ENAH: variants seen among roughly 807,000 people sequenced by gnomAD.
ENAH encodes ENAH actin regulator.
In ENAH, 23 loss-of-function variants were observed where a neutral mutation model predicts 78.7. The observed-to-expected ratio is 0.29, with a 90% confidence interval of 0.21 to 0.41. The LOEUF (loss-of-function observed/expected upper bound fraction) is 0.41, where lower values mean the gene tolerates loss of function less well. Among genes scored for constraint, ENAH ranks in the 10% least tolerant of loss-of-function variants. ENAH has a pLI of 1.00. For synonymous variants in ENAH, 226 were observed against 241.0 expected, an observed-to-expected ratio of 0.94 and a Z score of 0.58; for missense variants, 544 against 691.0, an observed-to-expected ratio of 0.79 and a Z score of 2.39.
chr1:225,499,487 C>T (rs535283056), intron 12 of ENAH, among the ~76,000 whole-genome samples: 3 of 152,246 alleles, frequency 2.0e-5, no homozygotes, highest in African/African-American at 7.2e-5. Context: ...GCCTGGCCAA[C>T]ATGGTGAAAC....
chr1:225,553,534 A>G (rs1021827142), intron 3 of ENAH, among the ~76,000 whole-genome samples: 4 of 152,020 alleles, frequency 2.6e-5, no homozygotes, highest in African/African-American at 9.7e-5. Context: ...TGGTACCTTA[A>G]TTATTTATCA....
At chr1:225,607,712 T>C (rs1227051298) in intron 1 of ENAH, among the ~76,000 whole-genome samples, 1 of 152,116 alleles carries the variant, frequency 6.6e-6, no homozygotes, top group Non-Finnish European at 1.5e-5. Flanking sequence ...TACTGAATGA[T>C]AACTTACCAC....
intron 1 of ENAH, among the ~76,000 whole-genome samples, chr1:225,608,220 G>GAAAAAAAAAAAAAAAAAAGA (rs2096967032): frequency 1.1e-5 from 1 of 91,294 alleles, no homozygotes. Context: ...ATAAAAAACA[G>GAAAAAAAAAAAAAAAAAAGA]AAAAAAAAAA....
intron 1 of ENAH, among the ~76,000 whole-genome samples, chr1:225,569,621 C>T (rs1167027174): frequency 6.6e-6 from 1 of 152,092 alleles, no homozygotes; most frequent in Non-Finnish European, 1.5e-5. Context: ...GGAAAGTTAG[C>T]TTTAATGGCC....
chr1:225,522,105 T>C (rs1169237005), intron 4 of ENAH, among the ~76,000 whole-genome samples: 1 of 152,172 alleles, frequency 6.6e-6, no homozygotes, highest in Non-Finnish European at 1.5e-5. Flanking sequence ...CAACAATAGT[T>C]ATTATTTGGA....
In ENAH at chr1:225,593,410, G is replaced by T. The variant is rs1575646150; in HGVS notation, c.6-25996C>A. ...GCCCCTGTGTGTGTGTGGGGGGGGG[G>T]GGGGGGGTGGGGGGTGCCCTAGTAT... On this transcript the variant is annotated intron_variant, in intron 1 of 13. Coordinates refer to ENST00000366843, the MANE Select transcript of ENAH (RefSeq NM_018212.6). Among the ~76,000 whole-genome samples the T allele has an allele frequency of 2.5e-4, 30 of 120,470 alleles. 1 individual carries two copies. The highest frequency in any genetic ancestry group is 4.2e-4 in the African/African-American group (14 of 33,266). 79.0% of individuals were successfully genotyped at this position (120,470 alleles called of 152,430 possible).
At chr1:225,517,996 C>CAG in intron 5 of ENAH, 1 of 1,535,248 alleles carries the variant, frequency 6.5e-7, no homozygotes, top group Non-Finnish European at 8.7e-7. Flanking sequence ...TGGAGCTGGA[C>CAG]AGAAGGTGGA....
chr1:225,565,912 G>A (rs1195740646), intron 2 of ENAH, among the ~76,000 whole-genome samples: 1 of 152,164 alleles, frequency 6.6e-6, no homozygotes, highest in Non-Finnish European at 1.5e-5. Flanking sequence ...GAGCCAGAGA[G>A]GGCAGAAAGA....
chr1:225,512,739 T>A lies in ENAH; in HGVS notation c.1365-25A>T, dbSNP rs776815561. 4 of 1,612,446 alleles carry A rather than the reference T, an allele frequency of 2.5e-6. No individual in the cohort carries two copies. The African/African-American group carries it at 5.3e-5, about 22-fold the overall frequency. On this transcript the variant is annotated intron_variant, in intron 8 of 13. Transcript: ENST00000366843. The stretch of plus-strand genomic sequence containing the variant: ...CCTACAAAGAAGGCAAATCCGATTT[T>A]TAAAAATATTATCTGATTCAGTATA...
chr1:225,582,728 C>A (rs977137787), intron 1 of ENAH, among the ~76,000 whole-genome samples: 1 of 152,144 alleles, frequency 6.6e-6, no homozygotes, highest in African/African-American at 2.4e-5. Context: ...AAGAGCTGAA[C>A]CAAAATATGA....
At chr1:225,628,271 T>C (rs759940426) in intron 1 of ENAH, among the ~76,000 whole-genome samples, 1 of 152,208 alleles carries the variant, frequency 6.6e-6, no homozygotes, top group African/African-American at 2.4e-5. Flanking sequence ...TTGGAAAGCA[T>C]TTTGGCAATA....
intron 3 of ENAH, among the ~76,000 whole-genome samples, chr1:225,540,871 G>GT (rs2096585521): frequency 6.6e-6 from 1 of 152,036 alleles, no homozygotes. Flanking sequence ...ATAAATACAT[G>GT]TTTTTTAACT....
intron 1 of ENAH, among the ~76,000 whole-genome samples, chr1:225,589,171 A>G (rs1399721890): frequency 1.3e-5 from 2 of 152,188 alleles, no homozygotes; most frequent in Admixed American, 1.3e-4. Flanking sequence ...GAGGAGTGAC[A>G]TGGGAAGGAG....
intron 1 of ENAH, among the ~76,000 whole-genome samples, chr1:225,649,917 A>G (rs183728771): frequency 6.6e-6 from 1 of 152,308 alleles, no homozygotes; most frequent in Non-Finnish European, 1.5e-5. Flanking sequence ...CTATTTCTGG[A>G]TGGCCTTTGA....
At position 225,619,094 on chromosome 1, in the gene ENAH, C is replaced by T. The variant is rs187765236; in HGVS notation, c.5+33592G>A. Among the ~76,000 whole-genome samples, 14 of 150,200 alleles carry T rather than the reference C, an allele frequency of 9.3e-5. 1 individual carries two copies. Among genetic ancestry groups the T allele is most frequent in the African/African-American group, 2.9e-4 (12 of 41,078 alleles). On this transcript the variant is annotated intron_variant, in intron 1 of 13. Transcript: ENST00000366843. ...AATACACTGCATATACAACCCAGTACACACACACACACACACAAATGCACA... is the reference window on the plus strand; with the variant it reads ...AATACACTGCATATACAACCCAGTATACACACACACACACACAAATGCACA...
intron 1 of ENAH, among the ~76,000 whole-genome samples, chr1:225,646,039 G>C (rs936937659): frequency 2.0e-5 from 3 of 152,010 alleles, no homozygotes; most frequent in African/African-American, 7.2e-5. Context: ...CGGATATCTT[G>C]TATAAATCAA....
intron 12 of ENAH, among the ~76,000 whole-genome samples, chr1:225,500,422 C>T (rs1422140208): frequency 6.6e-6 from 1 of 152,160 alleles, no homozygotes; most frequent in East Asian, 1.9e-4. Flanking sequence ...TCACAATTTA[C>T]TATTAAGCAT....
At chr1:225,571,901 T>C (rs1178727391) in intron 1 of ENAH, among the ~76,000 whole-genome samples, 1 of 152,094 alleles carries the variant, frequency 6.6e-6, no homozygotes, top group Non-Finnish European at 1.5e-5. Context: ...CTCTCTTCCA[T>C]TTGGCTATTC....
At chr1:225,582,912 T>A (rs1014893943) in intron 1 of ENAH, among the ~76,000 whole-genome samples, 6 of 152,162 alleles carry the variant, frequency 3.9e-5, no homozygotes, top group African/African-American at 1.4e-4. Context: ...CAAGTAGGTA[T>A]ATCACAGTTG....
Sources: gnomAD v4.1 joint callset for allele counts (sites outside exome capture counted in the v4.1 genomes callset) on GRCh38, gnomAD v4.1.1 for gene constraint, MANE v1.5 for transcripts, NCBI Gene and HGNC (gene_info 2026-07-23, HGNC 2026-07-21) for gene names.